Variants in MACF1 observed in about 807,000 individuals in gnomAD.
MACF1 encodes the protein microtubule actin crosslinking factor 1.
MACF1 carries 193 observed loss-of-function variants against 854.8 expected under a neutral mutation model. The ratio of observed to expected loss-of-function variants is 0.23; its 90% CI spans 0.20 to 0.25. The LOEUF is 0.25. Among genes scored for constraint, MACF1 ranks in the 10% least tolerant of loss-of-function variants. The pLI is 1.00. For missense variants in MACF1, 7,722 were observed against 8,929.1 expected, an observed-to-expected ratio of 0.86 and a Z score of 5.45; for synonymous variants, 3,185 against 3,226.7, an observed-to-expected ratio of 0.99 and a Z score of 0.44.
At chr1:39,131,859 C>T (rs1412318625) in intron 2 of MACF1, among the ~76,000 whole-genome samples, 1 of 152,138 alleles carries the variant, frequency 6.6e-6, no homozygotes, top group Non-Finnish European at 1.5e-5. Flanking sequence ...GTTGCCTAGG[C>T]TTGTCTTGAA....
At chr1:39,147,282 C>A (rs1287640884) in intron 2 of MACF1, among the ~76,000 whole-genome samples, 1 of 143,540 alleles carries the variant, frequency 7.0e-6, no homozygotes, top group Non-Finnish European at 1.5e-5. Flanking sequence ...TTTCTTTTTC[C>A]TTCTCTTTTC....
chr1:39,152,954 T>A (rs948744784), intron 2 of MACF1, among the ~76,000 whole-genome samples: 1 of 152,194 alleles, frequency 6.6e-6, no homozygotes, highest in Non-Finnish European at 1.5e-5. Context: ...GCACTTTTCT[T>A]CCACTAGGTT....
In MACF1 at chr1:39,358,805, G is replaced by C; in HGVS notation, c.12052G>C (p.Glu4018Gln). The C allele has an allele frequency of 6.2e-7, 1 of 1,613,820 alleles. No individual in the cohort carries two copies. The highest frequency in any genetic ancestry group is 1.1e-5 in the South Asian group (1 of 91,062). ...AWMQACEANV[E>Q]KLLSDTVASD... ...GATGCAGGCTTGTGAGGCCAACGTG[G>C]AGAAGCTCCTCTCAGATACTGTTGC... The change falls in exon 46 of 101, where the codon GAG becomes CAG. Residue 4018 changes from glutamate (E) to glutamine (Q), a missense_variant. Transcript: ENST00000564288.
chr1:39,335,809 T>A lies in MACF1; in HGVS notation c.9221T>A (p.Val3074Glu). ...FSSKQANEGK[V>E]NNLSLCLTLK... is the part of the protein sequence containing the mutation. ...TCTAAACAGGCCAATGAAGGAAAAG[T>A]AAACAATTTAAGTCTCTGCTTGACT... The change falls in exon 37 of 101, where the codon GTA becomes GAA. Residue 3074 changes from valine (V) to glutamate (E), a missense_variant. Val to Glu is a moderately radical substitution (Grantham distance 121, BLOSUM62 -2). Around this residue, in one of 15 missense-constraint regions of MACF1, gnomAD observed 854 missense variants for 852.6 expected, o/e 1.00. Coordinates refer to ENST00000564288, the MANE Select transcript of MACF1 (RefSeq NM_001394062.1). 1 of 1,614,084 alleles carries A rather than the reference T, an allele frequency of 6.2e-7. No homozygotes were observed. The highest frequency in any genetic ancestry group is 8.5e-7 in the Non-Finnish European group (1 of 1,179,986).
chr1:39,433,794 T>C (rs1643915094), intron 68 of MACF1, among the ~76,000 whole-genome samples: 1 of 152,174 alleles, frequency 6.6e-6, no homozygotes, highest in African/African-American at 2.4e-5. Flanking sequence ...TATAATGGTA[T>C]ATTGGCCAGG....
At chr1:39,182,764 C>T (rs1254782035) in intron 2 of MACF1, among the ~76,000 whole-genome samples, 2 of 152,184 alleles carry the variant, frequency 1.3e-5, no homozygotes, top group Non-Finnish European at 2.9e-5. Flanking sequence ...TAAAATGGTG[C>T]ACCTGCTTTA....
chr1:39,453,728 G>A lies in MACF1; in HGVS notation c.20764G>A (p.Glu6922Lys), dbSNP rs765875321. ...THKEFMKKVE[E>K]KRVDVNSAVA... The stretch of plus-strand genomic sequence containing the variant: ...TTAGGAATTCATGAAGAAAGTAGAA[G>A]AAAAGCGAGTGGACGTTAACTCAGC... Residue 6922 changes from glutamate to lysine, a missense_variant, in exon 88 of 101, where the codon GAA becomes AAA. Transcript: ENST00000564288. 6.2e-7 allele frequency: 1 copy of A among 1,614,106 alleles called. No homozygotes were observed. The highest frequency in any genetic ancestry group is 1.1e-5 in the South Asian group (1 of 91,082).
chr1:39,185,568 AAAC>A (rs1342538893), intron 2 of MACF1, among the ~76,000 whole-genome samples: 4 of 152,150 alleles, frequency 2.6e-5, no homozygotes, highest in Non-Finnish European at 5.9e-5. Flanking sequence ...AAAAGTTAAA[AAAC>A]AACAACTATA....
intron 2 of MACF1, among the ~76,000 whole-genome samples, chr1:39,126,942 G>A (rs746642318): frequency 7.2e-5 from 11 of 151,876 alleles, no homozygotes; most frequent in Non-Finnish European, 1.5e-4. Flanking sequence ...AACTTTCCTT[G>A]TCCTGTTGGC....
At chr1:39,355,776 T>C (rs2148509582) in intron 44 of MACF1, among the ~76,000 whole-genome samples, 1 of 152,294 alleles carries the variant, frequency 6.6e-6, no homozygotes, top group East Asian at 1.9e-4. Context: ...TTTTTATTTT[T>C]TAAAGACATG....
At chr1:39,419,798 AGTGTGTGTGTGTGTGTGTGTGTGT>A (rs3080664) in intron 58 of MACF1, among the ~76,000 whole-genome samples, 64 of 130,960 alleles carry the variant, frequency 4.9e-4, no homozygotes, top group Non-Finnish European at 2.3e-4. Context: ...ATGCCTGGCT[AGTGTGTGTGTGTGTGTGTGTGTGT>A]GTGTGTGTGT....
At position 39,350,957 on chromosome 1, in the gene MACF1, G is replaced by A. The variant is rs768766791; in HGVS notation, c.11138G>A (p.Arg3713His). 45 of 1,614,016 alleles carry A rather than the reference G, an allele frequency of 2.8e-5. No homozygotes were observed. The highest frequency in any genetic ancestry group is 6.7e-5 in the Admixed American group (4 of 60,008). ...EQYEALQEET[R>H]VAQKELEEAV... ...TATGAGGCGCTCCAGGAAGAGACAC[G>A]TGTGGCCCAGAAGGAACTGGAGGAA... Residue 3713 changes from arginine (R) to histidine (H), a missense_variant, in exon 43 of 101, where the codon CGT becomes CAT. Arg to His is a conservative substitution (Grantham distance 29). Around this residue, in one of 15 missense-constraint regions of MACF1, gnomAD observed 2,807 missense variants for 3,235.8 expected, o/e 0.87. Coordinates refer to ENST00000564288, the MANE Select transcript of MACF1 (RefSeq NM_001394062.1).
chr1:39,151,975 A>T (rs985299730), intron 2 of MACF1, among the ~76,000 whole-genome samples: 63 of 151,828 alleles, frequency 4.1e-4, no homozygotes, highest in African/African-American at 1.4e-3. Flanking sequence ...AAATATATAT[A>T]TTTTTTATTT....
chr1:39,393,181 T>TTAAAAAA (rs1292226876), intron 58 of MACF1, among the ~76,000 whole-genome samples: 2 of 90,266 alleles, frequency 2.2e-5, no homozygotes, highest in Non-Finnish European at 4.2e-5. Flanking sequence ...CTGGGAAGGG[T>TTAAAAAA]AAAAAAAAAA....
rs200516627 is a variant in MACF1, at chr1:39,424,120, T to G, written c.16242T>G (p.Asp5414Glu). Residue 5414 changes from aspartate (D) to glutamate (E), a missense_variant, in exon 61 of 101, where the codon GAT (aspartate) becomes GAG (glutamate). By Grantham distance (45) the Asp-to-Glu change is conservative (BLOSUM62 2). Around this residue, in one of 15 missense-constraint regions of MACF1, gnomAD observed 2,807 missense variants for 3,235.8 expected, o/e 0.87. Coordinates refer to ENST00000564288, the MANE Select transcript of MACF1 (RefSeq NM_001394062.1). ...TAGCCCAGTCAGCAGAGCTGGCTGATAGAGAGAAAATCACTGGACAGCTGG... is the reference window on the plus strand; with the variant it reads ...TAGCCCAGTCAGCAGAGCTGGCTGAGAGAGAGAAAATCACTGGACAGCTGG... ...GRIAQSAELA[D>E]REKITGQLES... 3.6e-4 allele frequency: 573 copies of G among 1,612,734 alleles called. No homozygotes were observed. The highest frequency in any genetic ancestry group is 3.6e-4 in the Non-Finnish European group (420 of 1,179,752).
chr1:39,100,383 T>A (rs1385340395), intron 2 of MACF1, among the ~76,000 whole-genome samples: 1 of 152,060 alleles, frequency 6.6e-6, no homozygotes, highest in Non-Finnish European at 1.5e-5. Flanking sequence ...TCATTGGAGA[T>A]CAGCCTGAAA....
chr1:39,423,992 A>G, intron 60 of MACF1, 36 bp from the exon 61 acceptor site: 1 of 1,533,262 alleles, frequency 6.5e-7, no homozygotes, highest in East Asian at 2.3e-5. Context: ...TTTCAAAATG[A>G]TCCTGTGTTA....
chr1:39,440,111 C>CTTTTTTTTTTT lies in MACF1; in HGVS notation c.18447+619_18447+629dup, dbSNP rs774399403. Among the ~76,000 whole-genome samples, 53 of 64,540 alleles carry CTTTTTTTTTTT rather than the reference C, an allele frequency of 8.2e-4. 3 individuals are homozygous for CTTTTTTTTTTT. The highest frequency in any genetic ancestry group is 1.7e-3 in the African/African-American group (25 of 14,872). 42.3% of individuals were successfully genotyped at this position (64,540 alleles called of 152,430 possible). ...CTTTTCTTTTCTTTTCTTTTCTTTT[C>CTTTTTTTTTTT]TTTTTTTTTTTTTTTTTTGGAGACA... On this transcript the variant is annotated intron_variant, in intron 72 of 100. Transcript: ENST00000564288.
At chr1:39,225,966 T>C (rs1336381734) in intron 1 of MACF1, among the ~76,000 whole-genome samples, 3 of 152,230 alleles carry the variant, frequency 2.0e-5, no homozygotes, top group African/African-American at 7.2e-5. Flanking sequence ...AATTAAGATA[T>C]TAAACTCCAG....
Sources: allele counts gnomAD v4.1 joint callset (sites outside exome capture counted in the v4.1 genomes callset), GRCh38; gene constraint gnomAD v4.1.1; regional missense constraint gnomAD v4.1.1; transcripts MANE v1.5; gene names NCBI Gene and HGNC (gene_info 2026-07-23, HGNC 2026-07-21).